RUFY2: variants seen among roughly 807,000 people sequenced by gnomAD.
RUFY2 encodes RUN and FYVE domain containing 2, also known as RUN and FYVE domain-containing protein 2.
A neutral mutation model predicts 94.4 loss-of-function variants in RUFY2; 49 were observed. That is an observed-to-expected ratio of 0.52 (90% CI 0.41 to 0.66). The LOEUF is 0.66. RUFY2 is among the 30% of genes least tolerant of loss of function. The pLI, the probability that RUFY2 is intolerant of heterozygous loss-of-function variation, is 0.00. For synonymous variants in RUFY2, 255 were observed against 235.7 expected (o/e 1.08, Z -0.75); for missense variants, 541 against 692.8 (o/e 0.78, Z 2.46).
intron 16 of RUFY2, among the ~76,000 whole-genome samples, chr10:68,348,563 A>G (rs1476767225): frequency 1.3e-5 from 2 of 151,550 alleles, no homozygotes; most frequent in African/African-American, 4.8e-5. Flanking sequence ...ACCCTAAAAG[A>G]TAATCCAACT....
At chr10:68,341,456 C>A, downstream of RUFY2, 3 of 996,934 alleles carry the variant, frequency 3.0e-6, no homozygotes, top group South Asian at 3.0e-5. Context: ...CTTTATATAT[C>A]GCTGTACTAG....
intron 15 of RUFY2, among the ~76,000 whole-genome samples, chr10:68,357,847 C>T (rs2047168356): frequency 6.6e-6 from 1 of 152,010 alleles, no homozygotes; most frequent in Admixed American, 6.6e-5. Flanking sequence ...TACTGTTGAT[C>T]TTTCAACTTG....
At chr10:68,341,761 A>C (rs370095589), downstream of RUFY2, 22 of 1,600,270 alleles carry the variant, frequency 1.4e-5, no homozygotes, top group Non-Finnish European at 1.8e-5. Flanking sequence ...TTTTAAAGAT[A>C]ATCAGGGAGG....
intron 1 of RUFY2, among the ~76,000 whole-genome samples, chr10:68,405,117 AT>A (rs1390454168): frequency 6.6e-6 from 1 of 152,112 alleles, no homozygotes. Context: ...GATTGAGACC[AT>A]CCTGGCCAAC....
chr10:68,385,139 C>T (rs1332715431), intron 8 of RUFY2, among the ~76,000 whole-genome samples: 1 of 152,034 alleles, frequency 6.6e-6, no homozygotes, highest in Non-Finnish European at 1.5e-5. Flanking sequence ...TGGTGCGTGC[C>T]TTTAATCCCA....
At chr10:68,354,122 T>A (rs912182887) in intron 16 of RUFY2, among the ~76,000 whole-genome samples, 8 of 152,136 alleles carry the variant, frequency 5.3e-5, no homozygotes, top group African/African-American at 1.9e-4. Flanking sequence ...ACTGCTACCA[T>A]CATCATCATT....
chr10:68,354,187 G>T (rs1028925281), intron 16 of RUFY2, among the ~76,000 whole-genome samples: 24 of 151,870 alleles, frequency 1.6e-4, no homozygotes, highest in Admixed American at 1.4e-3. Flanking sequence ...TTTTAAAAAT[G>T]ATTTTCATGT....
chr10:68,395,740 T>C (rs10998110), intron 4 of RUFY2, among the ~76,000 whole-genome samples: 1 of 152,242 alleles, frequency 6.6e-6, no homozygotes, highest in African/African-American at 2.4e-5. Context: ...ATGTACATTA[T>C]TTAATCACTT....
At chr10:68,357,289 C>T (rs2047127380) in intron 15 of RUFY2, among the ~76,000 whole-genome samples, 1 of 151,054 alleles carries the variant, frequency 6.6e-6, no homozygotes, top group African/African-American at 2.4e-5. Flanking sequence ...AATGCAGTGG[C>T]ATGATCTCGA....
chr10:68,341,889 T>G (rs370749252), downstream of RUFY2: 226 of 1,590,912 alleles, frequency 1.4e-4, no homozygotes, highest in Non-Finnish European at 1.9e-4. Context: ...AGTCCGCATA[T>G]GTAGTGCAAA....
chr10:68,342,048 G>A, downstream of RUFY2: 3 of 1,612,590 alleles, frequency 1.9e-6, no homozygotes, highest in Non-Finnish European at 2.5e-6. Context: ...GGCGTGGGAT[G>A]TACTGAAAGC....
chr10:68,365,941 A>G (rs149596581), intron 13 of RUFY2, among the ~76,000 whole-genome samples: 2 of 152,330 alleles, frequency 1.3e-5, no homozygotes, highest in Non-Finnish European at 2.9e-5. Flanking sequence ...AAAAAAGTGA[A>G]TGAAAAAGCA....
In RUFY2 at chr10:68,376,463, TATATATATATATATATATATATATA is replaced by T. The variant is rs1215968676; in HGVS notation, c.1325+365_1325+389del. 3.4e-3 allele frequency among the ~76,000 whole-genome samples: 107 copies of T among 31,282 alleles called. 13 individuals are homozygous for T. The highest frequency in any genetic ancestry group is 0.03 in the South Asian group (36 of 1,202). The allele number at this position is 31,282 out of a possible 152,430, so 20.5% of individuals were successfully genotyped here. A position where few individuals can be genotyped will look rare whatever the true frequency, so the allele number is the denominator to read the frequency against. On this transcript the variant is annotated intron_variant, in intron 13 of 17. Coordinates refer to ENST00000602465, the MANE Select transcript of RUFY2 (RefSeq NM_001330103.2). Reference sequence around the variant, plus strand: ...GTGTGTATATATATATATATATATATATATATATATATATATATATATATATATTCTCAGAAAACAGCATGTCCTT... The same window carrying T: ...GTGTGTATATATATATATATATATATTATTCTCAGAAAACAGCATGTCCTT...
intron 15 of RUFY2, among the ~76,000 whole-genome samples, chr10:68,359,928 A>C (rs966094847): frequency 6.6e-6 from 1 of 152,082 alleles, no homozygotes; most frequent in South Asian, 2.1e-4. Context: ...ACACGTATAC[A>C]TATTCTCCTG....
chr10:68,387,652 T>G (rs888625249), intron 7 of RUFY2, among the ~76,000 whole-genome samples: 1 of 152,146 alleles, frequency 6.6e-6, no homozygotes, highest in African/African-American at 2.4e-5. Flanking sequence ...CAAACACAAG[T>G]CTAGGAGACG....
At chr10:68,347,562 G>A (rs1182998751) in intron 16 of RUFY2, among the ~76,000 whole-genome samples, 3 of 152,124 alleles carry the variant, frequency 2.0e-5, no homozygotes, top group African/African-American at 7.2e-5. Context: ...GGGATTACAG[G>A]CATAAACCAC....
rs116954668 is a variant in RUFY2, at chr10:68,386,643, G to A, written c.651-515C>T. On this transcript the variant is annotated intron_variant, in intron 7 of 17. Coordinates refer to ENST00000602465, the MANE Select transcript of RUFY2 (RefSeq NM_001330103.2). Reference sequence around the variant, plus strand: ...ATTACAGGCGTGAGCAACAGCACCCGGCCTACTCATTTTTTTACATTGTCT... The same window carrying A: ...ATTACAGGCGTGAGCAACAGCACCCAGCCTACTCATTTTTTTACATTGTCT... Among the ~76,000 whole-genome samples, 294 of 152,090 alleles carry A rather than the reference G, an allele frequency of 1.9e-3. 5 individuals carry two copies. In the East Asian group the frequency reaches 0.051, roughly 26 times the overall value.
intron 15 of RUFY2, among the ~76,000 whole-genome samples, chr10:68,357,375 G>C (rs941713951): frequency 6.6e-6 from 1 of 151,568 alleles, no homozygotes; most frequent in African/African-American, 2.4e-5. Flanking sequence ...ATTATAGGCA[G>C]TTGTCACCAC....
chr10:68,394,595 G>A (rs757205929), intron 4 of RUFY2, 144 bp from the exon 5 acceptor site: 21 of 401,224 alleles, frequency 5.2e-5, no homozygotes, highest in African/African-American at 1.4e-4. Flanking sequence ...GCCTTTATAC[G>A]TGTGAATAAC....
Sources: allele counts gnomAD v4.1 joint callset (sites outside exome capture counted in the v4.1 genomes callset), GRCh38; gene constraint gnomAD v4.1.1; transcripts MANE v1.5; gene names NCBI Gene and HGNC (gene_info 2026-07-23, HGNC 2026-07-21).